The following CHD2 variants were observed in gnomAD, a reference collection of about 807,000 sequenced individuals.
CHD2 encodes the protein chromodomain helicase DNA binding protein 2, also known as ATP-dependent chromatin remodeler CHD2.
In CHD2, 28 loss-of-function variants were observed where a neutral mutation model predicts 243.9. The ratio of observed to expected loss-of-function variants is 0.11; its 90% CI spans 0.09 to 0.16. CHD2 has a LOEUF of 0.16. Among genes scored for constraint, CHD2 ranks in the 10% least tolerant of loss-of-function variants. CHD2 has a pLI of 1.00. For missense variants in CHD2, 1,386 were observed against 2,209.8 expected (o/e 0.63, Z 7.47); for synonymous variants, 775 against 779.0 (o/e 0.99, Z 0.09).
At chr15:92,979,032 A>C in intron 21 of CHD2, 103 bp from the exon 22 acceptor site, 1 of 1,462,818 alleles carries the variant, frequency 6.8e-7, no homozygotes, top group South Asian at 1.4e-5. Flanking sequence ...AATTCTGTTA[A>C]AATTTTCCCC....
chr15:92,932,392 G>A lies in CHD2; in HGVS notation c.443+3301G>A, dbSNP rs562085124. 4.0e-5 allele frequency among the ~76,000 whole-genome samples: 6 copies of A among 150,338 alleles called. No individual in the cohort carries two copies. The South Asian group carries it at 6.3e-4, about 16-fold the overall frequency. On this transcript the variant is annotated intron_variant, in intron 5 of 38. Coordinates refer to ENST00000394196, the MANE Select transcript of CHD2 (RefSeq NM_001271.4). Reference sequence around the variant, plus strand: ...TGTGTCATGTTGGTGTGCTGCACCCGTTAACTCGTCATTTACATTAGGTAT... The same window carrying A: ...TGTGTCATGTTGGTGTGCTGCACCCATTAACTCGTCATTTACATTAGGTAT...
At chr15:93,020,659 C>T in intron 38 of CHD2, 1 of 329,172 alleles carries the variant, frequency 3.0e-6, no homozygotes, top group Non-Finnish European at 5.6e-6. Flanking sequence ...TCTTCTGAAG[C>T]TGCACCCTCT....
At chr15:93,003,878 C>G (rs2054288214) in intron 33 of CHD2, among the ~76,000 whole-genome samples, 1 of 122,904 alleles carries the variant, frequency 8.1e-6, no homozygotes, top group Non-Finnish European at 1.8e-5. Flanking sequence ...GTAATCCCAG[C>G]ACTTTGGGAG....
At chr15:92,973,215 C>T (rs764077088) in intron 19 of CHD2, among the ~76,000 whole-genome samples, 1 of 152,136 alleles carries the variant, frequency 6.6e-6, no homozygotes, top group East Asian at 1.9e-4. Context: ...ATGGCTTCCC[C>T]TATTTTCTGT....
At chr15:92,977,399 A>G (rs2053924062) in intron 20 of CHD2, among the ~76,000 whole-genome samples, 1 of 152,226 alleles carries the variant, frequency 6.6e-6, no homozygotes, top group African/African-American at 2.4e-5. Flanking sequence ...ATTTATCAAG[A>G]TGGAACTCAG....
rs772993095 is a variant in CHD2 at position 93,002,180 on chromosome 15, G to T, written c.4141G>T (p.Asp1381Tyr). The T allele has an allele frequency of 2.5e-6, 4 of 1,585,914 alleles. No homozygotes were observed. In the South Asian group the frequency reaches 3.5e-5, roughly 14 times the overall value. The part of the protein sequence containing the change: ...NPSEEGEVKD[D>Y]GLEKSPMKKK... ...ATAGCCCTGTTTTGTTTCCTAGGAT[G>T]ATGGCTTGGAAAAAAGTCCAATGAA... The change falls in exon 33 of 39, where the codon GAT becomes TAT. Residue 1381 changes from aspartate (D) to tyrosine (Y), a missense_variant. By Grantham distance (160) the Asp-to-Tyr change is radical. Coordinates refer to ENST00000394196, the MANE Select transcript of CHD2 (RefSeq NM_001271.4).
intron 17 of CHD2, among the ~76,000 whole-genome samples, chr15:92,969,825 T>C (rs544836194): frequency 1.5e-3 from 235 of 151,840 alleles, no homozygotes; most frequent in African/African-American, 4.8e-3. Context: ...TTTTTTTTTT[T>C]TTTTGAGACG....
chr15:92,935,703 C>T (rs1010336606), intron 5 of CHD2, among the ~76,000 whole-genome samples: 3 of 152,170 alleles, frequency 2.0e-5, no homozygotes, highest in Admixed American at 6.5e-5. Flanking sequence ...CTGTAAACAT[C>T]TTCCTTTCTT....
Position 92,998,690 on chromosome 15 carries a change from G to T in CHD2, c.4008+69G>T, listed in dbSNP as rs1021034390. 1 of 1,566,524 alleles carries T rather than the reference G, an allele frequency of 6.4e-7. No individual in the cohort carries two copies. The highest frequency in any genetic ancestry group is 1.4e-5 in the African/African-American group (1 of 73,318). ...CCTACCCTGCAGAATTAGGTAGGAA[G>T]AGAGAGGCCCTCTCTGAGCACTGCA... On this transcript the variant is annotated intron_variant, in intron 31 of 38. Coordinates refer to ENST00000394196, the MANE Select transcript of CHD2 (RefSeq NM_001271.4). This position sits in a 1 kb window ranked among gnomAD's most constrained non-coding sequence, Gnocchi z 5.1.
chr15:92,983,606 A>G (rs1249950408), intron 24 of CHD2, among the ~76,000 whole-genome samples: 1 of 152,206 alleles, frequency 6.6e-6, no homozygotes, highest in Non-Finnish European at 1.5e-5. Flanking sequence ...CAGAGGTGGT[A>G]GATGTTTCTG....
At chr15:92,981,975 C>T (rs1360937322) in intron 24 of CHD2, among the ~76,000 whole-genome samples, 12 of 152,106 alleles carry the variant, frequency 7.9e-5, no homozygotes, top group Admixed American at 7.9e-4. Context: ...GAGGTGGCAG[C>T]ACAGAGTATC....
intron 5 of CHD2, 44 bp from the exon 6 acceptor site, chr15:92,937,474 G>T: frequency 7.1e-7 from 1 of 1,405,960 alleles, no homozygotes; most frequent in Non-Finnish European, 9.7e-7. Flanking sequence ...TATCTTGAAG[G>T]ATTCTTTTAG....
intron 2 of CHD2, among the ~76,000 whole-genome samples, chr15:92,907,156 GCTC>G (rs2052639029): frequency 6.6e-6 from 1 of 152,162 alleles, no homozygotes; most frequent in Non-Finnish European, 1.5e-5. Context: ...TTTAAAAAAA[GCTC>G]CTATATACTG....
At chr15:92,955,640 T>G in intron 15 of CHD2, 128 bp downstream of exon 15, 2 of 566,436 alleles carry the variant, frequency 3.5e-6, no homozygotes, top group Non-Finnish European at 6.0e-6. Context: ...AAACAAATGG[T>G]AGGGTCTGTA....
chr15:92,980,441 G>C (rs1235169683), intron 22 of CHD2, among the ~76,000 whole-genome samples: 2 of 152,132 alleles, frequency 1.3e-5, no homozygotes, highest in Non-Finnish European at 2.9e-5. Flanking sequence ...GAGGAAGCTA[G>C]ATGAGAAAAG....
chr15:92,921,050 A>G (rs1185547101), intron 2 of CHD2, among the ~76,000 whole-genome samples: 1 of 151,520 alleles, frequency 6.6e-6, no homozygotes, highest in Non-Finnish European at 1.5e-5. Flanking sequence ...GGGCATGGTA[A>G]TTGAAGCTCA....
At chr15:92,936,301 G>C (rs926456769) in intron 5 of CHD2, among the ~76,000 whole-genome samples, 2 of 152,182 alleles carry the variant, frequency 1.3e-5, no homozygotes, top group Non-Finnish European at 2.9e-5. Context: ...TGTTGTAGCT[G>C]TTGTCTTTAG....
At chr15:92,940,391 G>C (rs1454480218) in intron 7 of CHD2, among the ~76,000 whole-genome samples, 1 of 152,084 alleles carries the variant, frequency 6.6e-6, no homozygotes, top group East Asian at 1.9e-4. Flanking sequence ...AGGTTGCAGT[G>C]AGTTGAGATC....
intron 34 of CHD2, among the ~76,000 whole-genome samples, chr15:93,007,309 C>T (rs1275869903): frequency 6.6e-6 from 1 of 152,166 alleles, no homozygotes; most frequent in Non-Finnish European, 1.5e-5. Context: ...TTTTAGTGGT[C>T]ATTCATGTTC....
Sources: gnomAD v4.1 joint callset for allele counts (sites outside exome capture counted in the v4.1 genomes callset) on GRCh38, gnomAD v4.1.1 for gene constraint, Gnocchi (gnomAD v3.1) non-coding constraint, MANE v1.5 for transcripts, NCBI Gene and HGNC (gene_info 2026-07-23, HGNC 2026-07-21) for gene names.